TTC7B: variants seen among roughly 807,000 people sequenced by gnomAD.
The protein encoded by TTC7B is tetratricopeptide repeat protein 7B.
A neutral mutation model predicts 106.8 loss-of-function variants in TTC7B; 28 were observed. The observed-to-expected ratio is 0.26, with a 90% confidence interval of 0.19 to 0.36. The LOEUF (loss-of-function observed/expected upper bound fraction) is 0.36, where lower values mean the gene tolerates loss of function less well. TTC7B is among the 10% of genes least tolerant of loss of function. TTC7B has a pLI of 1.00. For synonymous variants in TTC7B, 405 were observed against 430.6 expected, an observed-to-expected ratio of 0.94 and a Z score of 0.74; for missense variants, 862 against 1,076.4, an observed-to-expected ratio of 0.80 and a Z score of 2.79.
intron 1 of TTC7B, among the ~76,000 whole-genome samples, chr14:90,795,682 A>C (rs986033271): frequency 6.6e-6 from 1 of 152,210 alleles, no homozygotes; most frequent in Admixed American, 6.5e-5. Context: ...GTCTGAAGTA[A>C]GTGGTGAATA....
At chr14:90,655,869 T>A (rs927126548) in intron 11 of TTC7B, among the ~76,000 whole-genome samples, 20 of 152,284 alleles carry the variant, frequency 1.3e-4, no homozygotes, top group South Asian at 4.1e-4. Context: ...TTATTTTTTT[T>A]AAAAAAAAGA....
At chr14:90,707,009 G>A (rs1212512983) in intron 5 of TTC7B, among the ~76,000 whole-genome samples, 1 of 152,138 alleles carries the variant, frequency 6.6e-6, no homozygotes, top group East Asian at 1.9e-4. Flanking sequence ...CAGGACTACA[G>A]TTTTTCCTAG....
chr14:90,789,542 G>A (rs765974556), intron 1 of TTC7B, among the ~76,000 whole-genome samples: 7 of 151,528 alleles, frequency 4.6e-5, no homozygotes, highest in Non-Finnish European at 1.0e-4. Context: ...GGACAACATC[G>A]CAAGAAAAAA....
chr14:90,646,825 G>T lies in TTC7B; in HGVS notation c.1590+126C>A, dbSNP rs1471681391. On this transcript the variant is annotated intron_variant, in intron 14 of 19. Transcript: ENST00000328459. ...CTCTTTGCTGAAACCTCTGAGAAGG[G>T]TTCCTGGCTCCAGGTCAGCCTCAAT... 4 of 895,044 alleles carry T rather than the reference G, an allele frequency of 4.5e-6. No homozygotes were observed. In the East Asian group the frequency reaches 9.8e-5, roughly 22 times the overall value. 55.4% of individuals were successfully genotyped at this position (895,044 alleles called of 1,614,324 possible). A position where few individuals can be genotyped will look rare whatever the true frequency, so the allele number is the denominator to read the frequency against.
chr14:90,539,975 G>T lies in TTC7B; in HGVS notation c.*1393C>A, dbSNP rs1457028313. On this transcript the variant is annotated 3_prime_UTR_variant, in exon 20 of 20. Transcript: ENST00000328459. Reference sequence around the variant, plus strand: ...CCTCTGTGGCCCATGAGTGCAGGAGGCTGCTTGGGCAGGACTGAATTGCAT... The same window carrying T: ...CCTCTGTGGCCCATGAGTGCAGGAGTCTGCTTGGGCAGGACTGAATTGCAT... 1 of 152,440 alleles carries T rather than the reference G, an allele frequency of 6.6e-6. No homozygotes were observed. The highest frequency in any genetic ancestry group is 1.9e-4 in the East Asian group (1 of 5,192). 9.4% of individuals were successfully genotyped at this position (152,440 alleles called of 1,614,324 possible).
At chr14:90,677,461 A>G (rs1886885252) in intron 8 of TTC7B, among the ~76,000 whole-genome samples, 2 of 152,226 alleles carry the variant, frequency 1.3e-5, no homozygotes, top group African/African-American at 4.8e-5. Context: ...TAATTTCTCT[A>G]CAGATTCCTC....
intron 1 of TTC7B, among the ~76,000 whole-genome samples, chr14:90,814,802 C>T (rs755942348): frequency 1.1e-4 from 16 of 152,186 alleles, no homozygotes; most frequent in Non-Finnish European, 1.8e-4. Flanking sequence ...ACCATCTCCT[C>T]AAAGGCTGAC....
Position 90,531,619 on chromosome 14 carries a change from C to CAAAAAAAAAAAAAAAAAA in TTC7B, c.*9731_*9748dup, listed in dbSNP as rs33973132. Reference sequence around the variant, plus strand: ...GGACAACAAGAGCGAAACTCCTTCTCAAAAAAAAAAAAAAAAAAAAAAAAG... The same window carrying CAAAAAAAAAAAAAAAAAA: ...GGACAACAAGAGCGAAACTCCTTCTCAAAAAAAAAAAAAAAAAAAAAAAAAAAAAAAAAAAAAAAAAAG... On this transcript the variant is annotated 3_prime_UTR_variant, in exon 20 of 20. Coordinates refer to ENST00000328459, the MANE Select transcript of TTC7B (RefSeq NM_001010854.2). 1.7e-5 allele frequency: 1 copy of CAAAAAAAAAAAAAAAAAA among 58,116 alleles called. No individual in the cohort carries two copies. Among genetic ancestry groups the CAAAAAAAAAAAAAAAAAA allele is most frequent in the Non-Finnish European group, 3.2e-5 (1 of 30,960 alleles). 3.6% of individuals were successfully genotyped at this position (58,116 alleles called of 1,614,324 possible).
chr14:90,728,969 T>A (rs77625811), intron 5 of TTC7B, among the ~76,000 whole-genome samples: 6,607 of 152,332 alleles, frequency 0.043, 189 homozygotes, highest in Non-Finnish European at 0.06. Flanking sequence ...TTAGGGGACG[T>A]GCACCGTTGC....
chr14:90,618,105 A>C, intron 15 of TTC7B, 60 bp from the exon 16 acceptor site: 1 of 1,277,320 alleles, frequency 7.8e-7, no homozygotes, highest in Non-Finnish European at 1.1e-6. Flanking sequence ...TCCCCATCCC[A>C]GCAAGACAAG....
intron 9 of TTC7B, among the ~76,000 whole-genome samples, chr14:90,664,305 T>C (rs1226452943): frequency 1.3e-5 from 2 of 152,234 alleles, no homozygotes; most frequent in Non-Finnish European, 2.9e-5. Context: ...GGTCTTGCTC[T>C]GTCACCCAGG....
Position 90,529,721 on chromosome 14 carries a change from T to C in TTC7B, c.*11647A>G, listed in dbSNP as rs1330838075. 6.6e-6 allele frequency: 1 copy of C among 152,206 alleles called. No homozygotes were observed. The highest frequency in any genetic ancestry group is 2.4e-5 in the African/African-American group (1 of 41,456). 9.4% of individuals were successfully genotyped at this position (152,206 alleles called of 1,614,324 possible). A position where few individuals can be genotyped will look rare whatever the true frequency, so the allele number is the denominator to read the frequency against. ...TGAGGATTAGATGAGTTAATACATG[T>C]CGAATGATTGGTGCATAATAAATGC... On this transcript the variant is annotated 3_prime_UTR_variant, in exon 20 of 20. Transcript: ENST00000328459.
At chr14:90,635,750 ACT>A (rs1159086734) in intron 15 of TTC7B, among the ~76,000 whole-genome samples, 1 of 111,380 alleles carries the variant, frequency 9.0e-6, no homozygotes, top group African/African-American at 3.0e-5. Context: ...ACAGAGTCAG[ACT>A]CTGTCTCAAA....
chr14:90,805,497 C>T lies in TTC7B; in HGVS notation c.121+10678G>A, dbSNP rs2030552331. 1.3e-5 allele frequency among the ~76,000 whole-genome samples: 2 copies of T among 152,162 alleles called. 1 individual carries two copies. Among genetic ancestry groups the T allele is most frequent in the Non-Finnish European group, 2.9e-5 (2 of 68,022 alleles). ...GCCGGGCTGGTCTCGAAATCCTCAC[C>T]TCAGGGGATCTACCCACCGTGGCCT... On this transcript the variant is annotated intron_variant, in intron 1 of 19. Transcript: ENST00000328459. The surrounding 1 kb of genome is among the most constrained non-coding windows in gnomAD (Gnocchi z 4.0).
At chr14:90,671,005 G>T (rs955387237) in intron 9 of TTC7B, among the ~76,000 whole-genome samples, 2 of 152,188 alleles carry the variant, frequency 1.3e-5, no homozygotes, top group Non-Finnish European at 2.9e-5. Flanking sequence ...TCAGCAAGTT[G>T]TTATGAACCA....
At chr14:90,580,452 C>T (rs1203094138) in intron 18 of TTC7B, among the ~76,000 whole-genome samples, 1 of 152,240 alleles carries the variant, frequency 6.6e-6, no homozygotes, top group African/African-American at 2.4e-5. Flanking sequence ...AGAACCCCAG[C>T]CACCTGGCTG....
At position 90,758,580 on chromosome 14, in the gene TTC7B, C is replaced by T. The variant is rs184965088; in HGVS notation, c.446-13658G>A. 1.6e-3 allele frequency among the ~76,000 whole-genome samples: 246 copies of T among 152,344 alleles called. 1 individual carries two copies. The highest frequency in any genetic ancestry group is 5.6e-3 in the African/African-American group (233 of 41,586). The stretch of plus-strand genomic sequence containing the variant: ...TGCGCTAGAACGCGGCTCCCGCGAC[C>T]CCTGGCGGCGGCTGCCGAGGGGCTG... On this transcript the variant is annotated intron_variant, in intron 3 of 19. Transcript: ENST00000328459.
chr14:90,615,251 T>A (rs1381600519), intron 16 of TTC7B, among the ~76,000 whole-genome samples: 1 of 152,282 alleles, frequency 6.6e-6, no homozygotes, highest in Admixed American at 6.5e-5. Flanking sequence ...GGGTCTATTC[T>A]CAATTTGGCC....
At chr14:90,580,391 G>T (rs1010243125) in intron 18 of TTC7B, among the ~76,000 whole-genome samples, 1 of 152,172 alleles carries the variant, frequency 6.6e-6, no homozygotes, top group African/African-American at 2.4e-5. Flanking sequence ...TGCAGAAAGC[G>T]TGAACACCCT....
Sources: gnomAD v4.1 joint callset for allele counts (sites outside exome capture counted in the v4.1 genomes callset) on GRCh38, gnomAD v4.1.1 for gene constraint, Gnocchi (gnomAD v3.1) non-coding constraint, MANE v1.5 for transcripts, NCBI Gene and HGNC (gene_info 2026-07-23, HGNC 2026-07-21) for gene names.